BRD7: variants seen among roughly 807,000 people sequenced by gnomAD.
The protein encoded by BRD7 is bromodomain containing 7, also known as bromodomain-containing protein 7.
BRD7 carries 15 observed loss-of-function variants against 82.1 expected under a neutral mutation model. The observed-to-expected ratio is 0.18, with a 90% CI of 0.12 to 0.28. The LOEUF (loss-of-function observed/expected upper bound fraction) is 0.28. BRD7 is among the 10% of genes least tolerant of loss of function. The probability of loss-of-function intolerance (pLI) is 1.00; values close to 1 mark genes in which losing one functional copy is unlikely to be tolerated. For missense variants in BRD7, 638 were observed against 779.9 expected, an observed-to-expected ratio of 0.82 and a Z score of 2.17; for synonymous variants, 232 against 266.9, an observed-to-expected ratio of 0.87 and a Z score of 1.27.
At chr16:50,355,265 T>TC (rs1201672021) in intron 2 of BRD7, among the ~76,000 whole-genome samples, 9 of 152,244 alleles carry the variant, frequency 5.9e-5, no homozygotes, top group Non-Finnish European at 1.2e-4. Flanking sequence ...ATAAAGGAGA[T>TC]ATACTATGTT....
chr16:50,327,604 C>T (rs915461778), intron 9 of BRD7, among the ~76,000 whole-genome samples: 1 of 152,162 alleles, frequency 6.6e-6, no homozygotes, highest in African/African-American at 2.4e-5. Context: ...ATGCTCTTCC[C>T]TGCTTCAAGG....
intron 2 of BRD7, chr16:50,361,696 A>T (rs1346267799): frequency 6.6e-6 from 1 of 152,130 alleles, no homozygotes; most frequent in East Asian, 1.9e-4. Context: ...CTGACTACAT[A>T]CTGAAGCTCA....
intron 4 of BRD7, among the ~76,000 whole-genome samples, 161 bp from the exon 5 acceptor site, chr16:50,350,328 TTAAG>T (rs1187721057): frequency 1.6e-4 from 25 of 152,226 alleles, no homozygotes; most frequent in Admixed American, 9.2e-4. Context: ...TTAAAGTCTA[TTAAG>T]TATTTCATAA....
intron 5 of BRD7, among the ~76,000 whole-genome samples, 185 bp downstream of exon 5, chr16:50,349,838 G>T (rs1389335507): frequency 6.6e-6 from 1 of 152,070 alleles, no homozygotes. Flanking sequence ...AGATATCAGA[G>T]GACCTATTTC....
At chr16:50,368,405 T>A in intron 1 of BRD7, 107 bp from the exon 2 acceptor site, 1 of 1,229,654 alleles carries the variant, frequency 8.1e-7, no homozygotes. Flanking sequence ...CCGAGGCGGC[T>A]TTGGGCGCTC....
intron 4 of BRD7, among the ~76,000 whole-genome samples, chr16:50,353,167 C>G (rs972221425): frequency 6.6e-6 from 1 of 151,190 alleles, no homozygotes; most frequent in African/African-American, 2.4e-5. Flanking sequence ...CTCTTGGGCT[C>G]AAGTGATCCT....
At chr16:50,363,283 T>C (rs1266892654) in intron 2 of BRD7, among the ~76,000 whole-genome samples, 1 of 152,270 alleles carries the variant, frequency 6.6e-6, no homozygotes, top group Non-Finnish European at 1.5e-5. Context: ...TTTATGGCTG[T>C]TATTTTATTT....
intron 2 of BRD7, among the ~76,000 whole-genome samples, chr16:50,357,737 T>C (rs1053460948): frequency 6.0e-4 from 91 of 152,194 alleles, no homozygotes; most frequent in African/African-American, 2.1e-3. Flanking sequence ...TCCCAGAGCT[T>C]TGGGAGGCTG....
At chr16:50,341,825 C>T (rs2151172220) in intron 5 of BRD7, among the ~76,000 whole-genome samples, 1 of 151,146 alleles carries the variant, frequency 6.6e-6, no homozygotes, top group East Asian at 1.9e-4. Flanking sequence ...ATCTATTAAG[C>T]CAATTTGTAG....
Position 50,318,120 on chromosome 16 carries a change from A to C in BRD7, c.*1091T>G, listed in dbSNP as rs995592724. On this transcript the variant is annotated 3_prime_UTR_variant, in exon 17 of 17. Coordinates refer to ENST00000394688, the MANE Select transcript of BRD7 (RefSeq NM_013263.5). Reference sequence around the variant, plus strand: ...CTGCTTTTTATACATTAAATTAGCAATTTGAAAAACTCAAATATCTGAAGG... The same window carrying C: ...CTGCTTTTTATACATTAAATTAGCACTTTGAAAAACTCAAATATCTGAAGG... 5 of 152,312 alleles carry C rather than the reference A, an allele frequency of 3.3e-5. No individual in the cohort carries two copies. Among genetic ancestry groups the C allele is most frequent in the African/African-American group, 1.2e-4 (5 of 41,472 alleles). The allele number at this position is 152,312 out of a possible 1,614,324, so 9.4% of individuals were successfully genotyped here. A position where few individuals can be genotyped will look rare whatever the true frequency, so the allele number is the denominator to read the frequency against.
chr16:50,354,611 T>C (rs2038662638), intron 3 of BRD7, 129 bp from the exon 4 acceptor site: 5 of 1,200,456 alleles, frequency 4.2e-6, no homozygotes, highest in African/African-American at 3.1e-5. Flanking sequence ...TAAAAATATA[T>C]TGAAGTTTGA....
chr16:50,365,482 G>A (rs972029004), intron 2 of BRD7, among the ~76,000 whole-genome samples: 1 of 152,128 alleles, frequency 6.6e-6, no homozygotes, highest in East Asian at 1.9e-4. Flanking sequence ...ACTAAAGGAT[G>A]CTTTCAACAG....
chr16:50,361,733 C>A (rs895712883), intron 2 of BRD7: 2 of 152,190 alleles, frequency 1.3e-5, no homozygotes, highest in African/African-American at 4.8e-5. Flanking sequence ...ATCTCAGCTG[C>A]CTTTCAGATC....
intron 6 of BRD7, among the ~76,000 whole-genome samples, chr16:50,335,511 G>A (rs2037760462): frequency 6.6e-6 from 1 of 152,180 alleles, no homozygotes; most frequent in Non-Finnish European, 1.5e-5. Flanking sequence ...GATGTGCTGT[G>A]AAATTTTCAT....
At chr16:50,330,809 A>G (rs116409513) in intron 8 of BRD7, among the ~76,000 whole-genome samples, 1,636 of 152,288 alleles carry the variant, frequency 0.011, 29 homozygotes, top group African/African-American at 0.037. Flanking sequence ...ACTAGTTTCA[A>G]AATTCTCTTC....
chr16:50,337,064 C>G (rs558767843), intron 6 of BRD7, among the ~76,000 whole-genome samples: 2 of 152,216 alleles, frequency 1.3e-5, no homozygotes, highest in South Asian at 4.2e-4. Context: ...AAAAGGCTGA[C>G]AAAGGTTACC....
intron 6 of BRD7, among the ~76,000 whole-genome samples, chr16:50,337,735 A>G (rs2037872148): frequency 6.6e-6 from 1 of 152,162 alleles, no homozygotes; most frequent in Non-Finnish European, 1.5e-5. Context: ...AGCACAAACT[A>G]TTAGAAGAGT....
chr16:50,334,430 CACTG>C (rs1234568192), intron 7 of BRD7, among the ~76,000 whole-genome samples: 1 of 152,212 alleles, frequency 6.6e-6, no homozygotes, highest in African/African-American at 2.4e-5. Flanking sequence ...TAAATAAACT[CACTG>C]ACCATATCAG....
At chr16:50,345,499 T>G (rs1191974420) in intron 5 of BRD7, among the ~76,000 whole-genome samples, 362 of 137,658 alleles carry the variant, frequency 2.6e-3, no homozygotes, top group African/African-American at 5.5e-3. Flanking sequence ...TCAAGACCCA[T>G]CAGTGTGCTG....
Sources: allele counts gnomAD v4.1 joint callset (sites outside exome capture counted in the v4.1 genomes callset), GRCh38; gene constraint gnomAD v4.1.1; transcripts MANE v1.5; gene names NCBI Gene and HGNC (gene_info 2026-07-23, HGNC 2026-07-21).